Variants in BABAM2 observed in about 807,000 individuals in gnomAD.
BABAM2 encodes the protein BRISC and BRCA1-A complex member 2.
Under a neutral mutation model 54.7 loss-of-function variants are expected in BABAM2, and 31 were observed. The observed-to-expected ratio is 0.57, with a 90% CI of 0.43 to 0.77. The LOEUF (loss-of-function observed/expected upper bound fraction) is 0.77, where lower values mean the gene tolerates loss of function less well. Ranked by LOEUF, BABAM2 falls within the 30% of genes least tolerant of loss-of-function variation. The pLI, the probability that BABAM2 is intolerant of heterozygous loss-of-function variation, is 0.00. For synonymous variants in BABAM2, 167 were observed against 162.9 expected, an observed-to-expected ratio of 1.03 and a Z score of -0.19; for missense variants, 364 against 455.8, an observed-to-expected ratio of 0.80 and a Z score of 1.83.
intron 3 of BABAM2, among the ~76,000 whole-genome samples, chr2:27,984,763 C>T (rs1411154760): frequency 5.3e-5 from 8 of 151,604 alleles, no homozygotes; most frequent in African/African-American, 1.5e-4. Context: ...AATTCTTTAG[C>T]GGTGATTTCT....
chr2:28,000,549 C>T (rs1673506457), intron 4 of BABAM2, among the ~76,000 whole-genome samples: 4 of 152,132 alleles, frequency 2.6e-5, no homozygotes. Flanking sequence ...TGTAAAGCTA[C>T]TCTTTCTTTC....
intron 4 of BABAM2, among the ~76,000 whole-genome samples, chr2:28,021,104 T>C (rs1183681236): frequency 1.3e-5 from 2 of 152,208 alleles, no homozygotes; most frequent in African/African-American, 4.8e-5. Context: ...GATATAAACA[T>C]TGTTTCTCAT....
chr2:28,124,200 C>T (rs969905125), intron 6 of BABAM2, among the ~76,000 whole-genome samples: 3 of 152,198 alleles, frequency 2.0e-5, no homozygotes, highest in African/African-American at 7.2e-5. Flanking sequence ...CAATCTAACT[C>T]ACATAGGGCT....
intron 2 of BABAM2, among the ~76,000 whole-genome samples, chr2:27,923,100 G>A (rs143479765): frequency 7.9e-4 from 120 of 152,226 alleles, no homozygotes; most frequent in African/African-American, 2.7e-3. Context: ...CCCAAATTCC[G>A]ACCCAAAGAA....
At chr2:28,276,991 C>T (rs1436728065) in intron 10 of BABAM2, among the ~76,000 whole-genome samples, 2 of 152,206 alleles carry the variant, frequency 1.3e-5, no homozygotes, top group East Asian at 1.9e-4. Flanking sequence ...AGGCGCAGGG[C>T]TCTGCTGGCC....
chr2:28,201,134 T>C (rs1047411470), intron 7 of BABAM2, among the ~76,000 whole-genome samples: 1 of 152,174 alleles, frequency 6.6e-6, no homozygotes, highest in African/African-American at 2.4e-5. Context: ...AGGATCCGTG[T>C]CCTGTGTTCC....
intron 10 of BABAM2, among the ~76,000 whole-genome samples, chr2:28,284,595 A>G (rs563495407): frequency 3.3e-4 from 51 of 152,290 alleles, no homozygotes; most frequent in African/African-American, 1.1e-3. Flanking sequence ...GCAGGACCCC[A>G]TTTGACCGTA....
intron 6 of BABAM2, among the ~76,000 whole-genome samples, chr2:28,107,114 A>G (rs1233802950): frequency 6.6e-6 from 1 of 152,148 alleles, no homozygotes; most frequent in African/African-American, 2.4e-5. Context: ...TATGTAACCA[A>G]CTTGCTACTG....
intron 8 of BABAM2, among the ~76,000 whole-genome samples, chr2:28,238,515 A>G (rs906139095): frequency 6.6e-6 from 1 of 152,220 alleles, no homozygotes; most frequent in African/African-American, 2.4e-5. Flanking sequence ...AAGTACAATA[A>G]TATTTCAAGA....
In BABAM2 at chr2:27,921,268, A is replaced by G. The variant is rs190395229; in HGVS notation, c.129-8564A>G. 9.5e-4 allele frequency among the ~76,000 whole-genome samples: 145 copies of G among 152,314 alleles called. 1 individual carries two copies. The Middle Eastern group carries it at 0.034, about 36-fold the overall frequency. On this transcript the variant is annotated intron_variant, in intron 2 of 11. Transcript: ENST00000379624. ...CAGTTTTTATACTTATTACTGATAAATAATTTTCTTTTCATTAGAACGCAT... is the reference window on the plus strand; with the variant it reads ...CAGTTTTTATACTTATTACTGATAAGTAATTTTCTTTTCATTAGAACGCAT...
chr2:28,292,312 C>T (rs898225799), intron 10 of BABAM2, among the ~76,000 whole-genome samples: 4 of 152,202 alleles, frequency 2.6e-5, no homozygotes, highest in African/African-American at 7.2e-5. Context: ...TCCCGCAAAA[C>T]TGAACTTTCC....
At chr2:28,109,164 CTGCTCTAAAGA>C (rs977335161) in intron 6 of BABAM2, among the ~76,000 whole-genome samples, 57 of 149,296 alleles carry the variant, frequency 3.8e-4, no homozygotes, top group African/African-American at 1.4e-3. Context: ...TTCCCCTTTG[CTGCTCTAAAGA>C]CACATACTCT....
At chr2:28,138,836 C>A (rs1308276290) in intron 7 of BABAM2, among the ~76,000 whole-genome samples, 2 of 152,134 alleles carry the variant, frequency 1.3e-5, no homozygotes, top group African/African-American at 4.8e-5. Context: ...ATCTCCTCAC[C>A]CTTGCCCCAG....
intron 6 of BABAM2, among the ~76,000 whole-genome samples, chr2:28,050,454 G>T (rs908305864): frequency 6.6e-6 from 1 of 152,150 alleles, no homozygotes; most frequent in Admixed American, 6.5e-5. Flanking sequence ...ACCTTGAACT[G>T]CAGTGCCACT....
At chr2:28,227,226 A>G (rs1196899342) in intron 7 of BABAM2, among the ~76,000 whole-genome samples, 3 of 151,818 alleles carry the variant, frequency 2.0e-5, no homozygotes. Context: ...TTTCCTTTGC[A>G]GTTCACCATT....
chr2:28,314,185 C>T (rs909851848), intron 11 of BABAM2, among the ~76,000 whole-genome samples: 1 of 152,194 alleles, frequency 6.6e-6, no homozygotes, highest in Non-Finnish European at 1.5e-5. Flanking sequence ...TTATAGTACA[C>T]CAGCATAGCT....
At chr2:27,937,058 A>G (rs1054800203) in intron 3 of BABAM2, among the ~76,000 whole-genome samples, 4 of 152,202 alleles carry the variant, frequency 2.6e-5, no homozygotes, top group Admixed American at 6.5e-5. Context: ...TAACTCTTAT[A>G]TGCACTGGGA....
intron 7 of BABAM2, among the ~76,000 whole-genome samples, chr2:28,199,352 C>T (rs533939982): frequency 6.6e-6 from 1 of 152,328 alleles, no homozygotes; most frequent in African/African-American, 2.4e-5. Context: ...CCACCTAGCC[C>T]TTCCTGTTCC....
At chr2:28,256,693 C>CTT (rs34881415) in intron 10 of BABAM2, among the ~76,000 whole-genome samples, 2,723 of 122,766 alleles carry the variant, frequency 0.022, 105 homozygotes, top group Middle Eastern at 0.042. Flanking sequence ...TGGCTCACTT[C>CTT]TTTTTTTTTT....
Sources: allele counts gnomAD v4.1 joint callset (sites outside exome capture counted in the v4.1 genomes callset), GRCh38; gene constraint gnomAD v4.1.1; transcripts MANE v1.5; gene names NCBI Gene and HGNC (gene_info 2026-07-23, HGNC 2026-07-21).